Variants in SLC35D4 observed in about 807,000 individuals in gnomAD.
The protein encoded by SLC35D4 is solute carrier family 35 member D4.
chr18:23,324,870 G>A, the SLC35D4 span, among the ~76,000 whole-genome samples: 3 of 152,172 alleles, frequency 2.0e-5, no homozygotes, highest in East Asian at 1.9e-4. Flanking sequence ...AAGGAAAACC[G>A]AAGAGAGTGA....
At chr18:23,415,787 G>A in the SLC35D4 span, among the ~76,000 whole-genome samples, 13 of 152,350 alleles carry the variant, frequency 8.5e-5, no homozygotes, top group African/African-American at 3.1e-4. Flanking sequence ...TGTTCCAAGA[G>A]CATCATCCAA....
At chr18:23,370,299 T>A in the SLC35D4 span, 1 of 1,606,404 alleles carries the variant, frequency 6.2e-7, no homozygotes, top group South Asian at 1.1e-5. Flanking sequence ...GTCATGGTAT[T>A]CTGCTCAAGG....
At chr18:23,419,220 G>A in the SLC35D4 span, among the ~76,000 whole-genome samples, 3 of 152,170 alleles carry the variant, frequency 2.0e-5, no homozygotes, top group Admixed American at 2.0e-4. Context: ...ATCTAGGTGA[G>A]GCAGGAGTAG....
At chr18:23,287,516 CT>C in the SLC35D4 span, among the ~76,000 whole-genome samples, 1 of 152,212 alleles carries the variant, frequency 6.6e-6, no homozygotes, top group Admixed American at 6.5e-5. Context: ...CTTGCTCTCC[CT>C]GCTGATCATG....
the SLC35D4 span, among the ~76,000 whole-genome samples, chr18:23,409,067 G>T: frequency 1.3e-5 from 2 of 151,676 alleles, no homozygotes; most frequent in East Asian, 3.9e-4. Context: ...CCCAGGAGGC[G>T]GAGGTTGCAG....
the SLC35D4 span, among the ~76,000 whole-genome samples, chr18:23,311,519 C>G: frequency 6.6e-6 from 1 of 152,086 alleles, no homozygotes; most frequent in Non-Finnish European, 1.5e-5. Flanking sequence ...GTTGTACTAA[C>G]CACATAAGTG....
chr18:23,373,988 G>A, the SLC35D4 span, among the ~76,000 whole-genome samples: 4 of 152,162 alleles, frequency 2.6e-5, no homozygotes, highest in South Asian at 2.1e-4. Flanking sequence ...TCAGCTAGCC[G>A]TTTCCCAGAG....
At chr18:23,369,616 G>A in the SLC35D4 span, among the ~76,000 whole-genome samples, 2 of 152,094 alleles carry the variant, frequency 1.3e-5, no homozygotes, top group African/African-American at 4.8e-5. Flanking sequence ...TCATTCACAT[G>A]TCATCTGAGA....
chr18:23,253,660 G>A, the SLC35D4 span: 3 of 1,274,398 alleles, frequency 2.4e-6, no homozygotes, highest in Non-Finnish European at 3.4e-6. Flanking sequence ...TTCAAGATGG[G>A]GGAGTTTTTC....
the SLC35D4 span, chr18:23,356,728 C>T: frequency 1.3e-6 from 2 of 1,509,654 alleles, no homozygotes; most frequent in Non-Finnish European, 1.8e-6. This position sits in a 1 kb window ranked among gnomAD's most constrained non-coding sequence, Gnocchi z 4.1. Context: ...TGCCCCATTG[C>T]CCCAGGAAAT....
the SLC35D4 span, among the ~76,000 whole-genome samples, chr18:23,243,091 A>G: frequency 4.6e-5 from 7 of 151,326 alleles, no homozygotes; most frequent in South Asian, 4.2e-4. Flanking sequence ...AGAATATAGA[A>G]CTATATATAT....
At chr18:23,245,155 C>A in the SLC35D4 span, among the ~76,000 whole-genome samples, 1,061 of 152,252 alleles carry the variant, frequency 7.0e-3, 13 homozygotes, top group African/African-American at 0.025. Flanking sequence ...GGCCCAAGTT[C>A]AGTTCCATGG....
the SLC35D4 span, among the ~76,000 whole-genome samples, chr18:23,290,244 A>G: frequency 1.8e-4 from 28 of 152,302 alleles, no homozygotes; most frequent in African/African-American, 6.3e-4. Flanking sequence ...AAATCTGCCT[A>G]TCTTCTCTCC....
chr18:23,368,738 C>T, the SLC35D4 span: 1 of 1,448,382 alleles, frequency 6.9e-7, no homozygotes. Context: ...TTAAGTATTG[C>T]TGGTCAATGT....
the SLC35D4 span, among the ~76,000 whole-genome samples, chr18:23,366,619 C>T: frequency 6.6e-6 from 1 of 152,276 alleles, no homozygotes; most frequent in East Asian, 1.9e-4. Context: ...GGAACCACCA[C>T]AAGGAATCCC....
the SLC35D4 span, among the ~76,000 whole-genome samples, chr18:23,434,124 C>T: frequency 6.6e-6 from 1 of 152,070 alleles, no homozygotes; most frequent in Non-Finnish European, 1.5e-5. Context: ...AAACAATGGC[C>T]ATAAAAGGTT....
At chr18:23,406,172 GT>G in the SLC35D4 span, among the ~76,000 whole-genome samples, 2 of 152,124 alleles carry the variant, frequency 1.3e-5, no homozygotes. Context: ...CATTTACATG[GT>G]TATCCAAATC....
chr18:23,399,847 C>T, the SLC35D4 span, among the ~76,000 whole-genome samples: 1 of 152,182 alleles, frequency 6.6e-6, no homozygotes, highest in Non-Finnish European at 1.5e-5. Flanking sequence ...ACAATCCCAT[C>T]ATTACTGATC....
chr18:23,408,180 C>T, the SLC35D4 span, among the ~76,000 whole-genome samples: 2 of 147,668 alleles, frequency 1.4e-5, no homozygotes, highest in African/African-American at 2.6e-5. Context: ...CACACACACA[C>T]CCCTAACCTC....
Sources: gnomAD v4.1 joint callset for allele counts (sites outside exome capture counted in the v4.1 genomes callset) on GRCh38, gnomAD v4.1.1 for gene constraint, Gnocchi (gnomAD v3.1) non-coding constraint, MANE v1.5 for transcripts, NCBI Gene and HGNC (gene_info 2026-07-23, HGNC 2026-07-21) for gene names.